Variants in CCDC73 observed in about 807,000 individuals in gnomAD.
The protein encoded by CCDC73 is coiled-coil domain-containing protein 73.
Under a neutral mutation model 116.5 loss-of-function variants are expected in CCDC73, and 95 were observed. That is an observed-to-expected ratio of 0.82 (90% CI 0.69 to 0.97). CCDC73 has a LOEUF of 0.97. CCDC73 is among the 50% of genes least tolerant of loss of function. The probability of loss-of-function intolerance (pLI) is 0.00; values close to 1 mark genes in which losing one functional copy is unlikely to be tolerated. For synonymous variants in CCDC73, 398 were observed against 401.3 expected (o/e 0.99, Z 0.10); for missense variants, 1,066 against 1,206.8 (o/e 0.88, Z 1.73).
chr11:32,655,241 C>T (rs1209438893), intron 9 of CCDC73, among the ~76,000 whole-genome samples: 3 of 152,096 alleles, frequency 2.0e-5, no homozygotes, highest in African/African-American at 7.2e-5. Context: ...ACCAGAAGTA[C>T]AGTGTTTCCA....
At chr11:32,700,524 C>G (rs902606053) in intron 5 of CCDC73, among the ~76,000 whole-genome samples, 7 of 152,138 alleles carry the variant, frequency 4.6e-5, no homozygotes, top group South Asian at 4.2e-4. Context: ...CCCAATTTTG[C>G]CACTTCAAAG....
chr11:32,777,771 T>G (rs552805553), intron 1 of CCDC73, among the ~76,000 whole-genome samples: 2 of 152,106 alleles, frequency 1.3e-5, no homozygotes, highest in African/African-American at 4.8e-5. Context: ...ACAAAAGAGA[T>G]TTAAGGTGGT....
At chr11:32,710,378 T>C (rs1011992942) in intron 3 of CCDC73, among the ~76,000 whole-genome samples, 1 of 152,134 alleles carries the variant, frequency 6.6e-6, no homozygotes, top group Non-Finnish European at 1.5e-5. Flanking sequence ...TTCTGATAGG[T>C]TGTGTCACTA....
chr11:32,629,921 C>CAAAAAAAAAAAAAAAAAAAAAAAAAA lies in CCDC73; in HGVS notation c.1185+5774_1185+5775insTTTTTTTTTTTTTTTTTTTTTTTTTT, dbSNP rs367693675. Among the ~76,000 whole-genome samples, 2 of 55,724 alleles carry CAAAAAAAAAAAAAAAAAAAAAAAAAA rather than the reference C, an allele frequency of 3.6e-5. 1 individual carries two copies. The highest frequency in any genetic ancestry group is 8.1e-5 in the Non-Finnish European group (2 of 24,708). The allele number at this position is 55,724 out of a possible 152,430, so 36.6% of individuals were successfully genotyped here. A position where few individuals can be genotyped will look rare whatever the true frequency, so the allele number is the denominator to read the frequency against. On this transcript the variant is annotated intron_variant, in intron 14 of 17. Transcript: ENST00000335185. ...GCTGGAAAGAATTCCAGCAGATATG[C>CAAAAAAAAAAAAAAAAAAAAAAAAAA]AAAAAAAAAAAAACAAAAAAAAAAC...
intron 2 of CCDC73, among the ~76,000 whole-genome samples, chr11:32,750,068 C>A (rs1850273983): frequency 6.6e-6 from 1 of 151,980 alleles, no homozygotes; most frequent in South Asian, 2.1e-4. Flanking sequence ...GACGGGGTTT[C>A]ACTGTGTTGG....
chr11:32,649,802 A>T (rs1855810559), intron 12 of CCDC73, among the ~76,000 whole-genome samples: 2 of 152,198 alleles, frequency 1.3e-5, no homozygotes, highest in African/African-American at 4.8e-5. Context: ...TTTGATGTTA[A>T]AATGTTCTCT....
At chr11:32,734,229 T>C (rs976000327) in intron 2 of CCDC73, among the ~76,000 whole-genome samples, 14 of 152,046 alleles carry the variant, frequency 9.2e-5, no homozygotes, top group African/African-American at 2.2e-4. Flanking sequence ...GAGGAAGAAA[T>C]TGATCTCTGA....
intron 14 of CCDC73, 33 bp from the exon 15 acceptor site, chr11:32,616,162 C>T (rs926922634): frequency 2.2e-5 from 33 of 1,530,710 alleles, no homozygotes; most frequent in Non-Finnish European, 2.8e-5. Context: ...CTTTTAAAAA[C>T]ATTGCCTACA....
chr11:32,818,238 C>G, the CCDC73 span, among the ~76,000 whole-genome samples: 1 of 152,154 alleles, frequency 6.6e-6, no homozygotes, highest in East Asian at 1.9e-4. Context: ...CCTTTCGGGC[C>G]GTAAGTGTAT....
chr11:32,613,772 A>C lies in CCDC73; in HGVS notation c.2546T>G (p.Leu849Ter), dbSNP rs1855444948. ...CATTTTTCCTGAAACAATGTCATTT[A>C]ATGATTCTGTTTTCTCTGTATTATT... Reference protein sequence around the residue: ...LLNNTEKTESLNDIVSGKMFS... With the variant: ...LLNNTEKTES The change falls in exon 16 of 18, where the codon TTA becomes TGA. Residue 849 changes from leucine (L) to a stop codon, truncating the protein, a stop_gained. Transcript: ENST00000335185. LOFTEE classifies it high-confidence loss of function. 1 of 1,613,758 alleles carries C rather than the reference A, an allele frequency of 6.2e-7. No individual in the cohort carries two copies. Among genetic ancestry groups the C allele is most frequent in the Non-Finnish European group, 8.5e-7 (1 of 1,179,912 alleles).
chr11:32,644,646 T>A (rs953297059), intron 12 of CCDC73, among the ~76,000 whole-genome samples: 1 of 152,070 alleles, frequency 6.6e-6, no homozygotes, highest in Non-Finnish European at 1.5e-5. Context: ...AGCTCCCATT[T>A]CCCCTCCCCA....
At chr11:32,718,675 G>A (rs752292165) in intron 2 of CCDC73, among the ~76,000 whole-genome samples, 1 of 152,090 alleles carries the variant, frequency 6.6e-6, no homozygotes, top group Non-Finnish European at 1.5e-5. Flanking sequence ...TCTGCAGAGG[G>A]GAGGGCAACA....
chr11:32,734,713 C>A (rs1850112766), intron 2 of CCDC73, among the ~76,000 whole-genome samples: 1 of 151,602 alleles, frequency 6.6e-6, no homozygotes, highest in South Asian at 2.1e-4. Flanking sequence ...AGAGACACAA[C>A]AAAAAAAGAG....
intron 2 of CCDC73, among the ~76,000 whole-genome samples, chr11:32,728,355 T>C (rs1212812130): frequency 1.3e-5 from 2 of 152,204 alleles, no homozygotes; most frequent in African/African-American, 2.4e-5. Context: ...ATCATTATTT[T>C]GTGGTTCAAA....
chr11:32,753,626 A>C (rs1477592898), intron 2 of CCDC73, among the ~76,000 whole-genome samples: 2 of 151,996 alleles, frequency 1.3e-5, no homozygotes, highest in Non-Finnish European at 2.9e-5. Flanking sequence ...CACCATGCCC[A>C]GCTAATTTTT....
At chr11:32,607,587 G>A (rs1046338713) in intron 17 of CCDC73, among the ~76,000 whole-genome samples, 6 of 152,122 alleles carry the variant, frequency 3.9e-5, no homozygotes, top group Non-Finnish European at 7.4e-5. Context: ...TAGCTTTGAT[G>A]CCCTCAAGCT....
At position 32,654,879 on chromosome 11, in the gene CCDC73, G is replaced by T. The variant is rs760451429; in HGVS notation, c.739C>A (p.Gln247Lys). 3 of 1,589,194 alleles carry T rather than the reference G, an allele frequency of 1.9e-6. No individual in the cohort carries two copies. The highest frequency in any genetic ancestry group is 2.6e-6 in the Non-Finnish European group (3 of 1,168,942). Residue 247 changes from glutamine to lysine, a missense_variant, in exon 10 of 18, where the codon CAA becomes AAA. Coordinates refer to ENST00000335185, the MANE Select transcript of CCDC73 (RefSeq NM_001008391.4). ...CTTTCTTGAAGTTCTTGAAATTTTTGTTCTTTAATTGTTAGATTGATGTTT... is the reference window on the plus strand; with the variant it reads ...CTTTCTTGAAGTTCTTGAAATTTTTTTTCTTTAATTGTTAGATTGATGTTT... ...EENINLTIKE[Q>K]KFQELQERLN...
intron 14 of CCDC73, among the ~76,000 whole-genome samples, chr11:32,625,719 C>T (rs888704204): frequency 2.6e-5 from 4 of 151,908 alleles, no homozygotes; most frequent in East Asian, 1.9e-4. Context: ...ACAGAACCAA[C>T]GACAAAAAAC....
the CCDC73 span, among the ~76,000 whole-genome samples, chr11:32,826,535 G>A: frequency 6.6e-6 from 1 of 151,050 alleles, no homozygotes; most frequent in African/African-American, 2.4e-5. Flanking sequence ...ATTCAGAGAT[G>A]CATTATCACA....
Sources: gnomAD v4.1 joint callset for allele counts (sites outside exome capture counted in the v4.1 genomes callset) on GRCh38, gnomAD v4.1.1 for gene constraint, MANE v1.5 for transcripts, NCBI Gene and HGNC (gene_info 2026-07-23, HGNC 2026-07-21) for gene names.